The following LRBA variants were observed in gnomAD, a reference collection of about 807,000 sequenced individuals.
LRBA encodes the protein LPS responsive beige-like anchor protein, also known as lipopolysaccharide-responsive and beige-like anchor protein.
A neutral mutation model predicts 330.0 loss-of-function variants in LRBA; 176 were observed. That is an observed-to-expected ratio of 0.53 (90% CI 0.47 to 0.60). LRBA has a LOEUF of 0.60. Among genes scored for constraint, LRBA ranks in the 20% least tolerant of loss-of-function variants. LRBA has a pLI of 0.00. For synonymous variants in LRBA, 1,230 were observed against 1,193.0 expected, an observed-to-expected ratio of 1.03 and a Z score of -0.64; for missense variants, 3,259 against 3,444.8, an observed-to-expected ratio of 0.95 and a Z score of 1.35.
At chr4:150,947,719 G>A (rs1208456650) in intron 2 of LRBA, among the ~76,000 whole-genome samples, 1 of 152,018 alleles carries the variant, frequency 6.6e-6, no homozygotes, top group East Asian at 1.9e-4. Context: ...GTATGCAGGT[G>A]AGAAAGGAAG....
chr4:150,992,023 A>C (rs1318573617), intron 2 of LRBA, among the ~76,000 whole-genome samples: 1 of 152,234 alleles, frequency 6.6e-6, no homozygotes, highest in African/African-American at 2.4e-5. Context: ...GCTATGTCTT[A>C]AAAGTAACAA....
At chr4:150,587,640 T>C (rs1772281829) in intron 40 of LRBA, among the ~76,000 whole-genome samples, 1 of 152,170 alleles carries the variant, frequency 6.6e-6, no homozygotes. Context: ...TAGTAAGTCA[T>C]GGGGACAAAG....
intron 52 of LRBA, among the ~76,000 whole-genome samples, chr4:150,309,969 G>T (rs920828469): frequency 6.6e-6 from 1 of 152,076 alleles, no homozygotes; most frequent in Non-Finnish European, 1.5e-5. Flanking sequence ...CCTTCAAAAT[G>T]AATCATTTAT....
chr4:150,527,683 T>G (rs1379790487), intron 40 of LRBA, among the ~76,000 whole-genome samples: 1 of 152,246 alleles, frequency 6.6e-6, no homozygotes, highest in African/African-American at 2.4e-5. Flanking sequence ...AGCACTATCC[T>G]GCTCTTCTAA....
chr4:150,642,182 G>C (rs1404624794), intron 37 of LRBA, among the ~76,000 whole-genome samples: 1 of 151,892 alleles, frequency 6.6e-6, no homozygotes, highest in Non-Finnish European at 1.5e-5. Flanking sequence ...CAATTCAAAA[G>C]CACAAGAATA....
At chr4:150,916,057 C>A (rs760123869) in intron 7 of LRBA, among the ~76,000 whole-genome samples, 33 of 152,116 alleles carry the variant, frequency 2.2e-4, no homozygotes, top group Non-Finnish European at 3.8e-4. Flanking sequence ...TTTGCTTAAT[C>A]TATCTGACTA....
intron 34 of LRBA, among the ~76,000 whole-genome samples, chr4:150,789,966 T>C (rs1358714990): frequency 6.6e-6 from 1 of 152,198 alleles, no homozygotes; most frequent in Non-Finnish European, 1.5e-5. Flanking sequence ...CCTAACTCTC[T>C]TCTTAATCCC....
chr4:150,685,420 A>ATATATATATATATATACTT (rs1561514146), intron 36 of LRBA, among the ~76,000 whole-genome samples: 1 of 17,436 alleles, frequency 5.7e-5, no homozygotes, highest in African/African-American at 2.4e-4. Context: ...ATATATATAT[A>ATATATATATATATATACTT]TTTTTTTTTT....
In LRBA at chr4:150,859,235, T is replaced by C. The variant is rs150737357; in HGVS notation, c.2767-6292A>G. Among the ~76,000 whole-genome samples the C allele has an allele frequency of 7.5e-3, 1,142 of 152,312 alleles. 11 individuals carry two copies. The highest frequency in any genetic ancestry group is 0.025 in the African/African-American group (1,055 of 41,566). On this transcript the variant is annotated intron_variant, in intron 22 of 56. Coordinates refer to ENST00000651943, the MANE Select transcript of LRBA (RefSeq NM_001364905.1). Reference sequence around the variant, plus strand: ...TTTTAACTCTAACATGACTAATCTTTATTCATTTTAAGTCATAAACCCATT... The same window carrying C: ...TTTTAACTCTAACATGACTAATCTTCATTCATTTTAAGTCATAAACCCATT...
intron 34 of LRBA, among the ~76,000 whole-genome samples, chr4:150,788,239 ATTTTTTTTTTTTTTTTTT>A (rs377479266): frequency 8.1e-6 from 1 of 123,238 alleles, no homozygotes; most frequent in African/African-American, 3.9e-5. Context: ...CACCCGGTTA[ATTTTTTTTTTTTTTTTTT>A]TTTTTTTTTT....
At chr4:150,399,326 A>G (rs1745160717) in intron 47 of LRBA, among the ~76,000 whole-genome samples, 1 of 152,152 alleles carries the variant, frequency 6.6e-6, no homozygotes, top group Admixed American at 6.6e-5. Context: ...GGCAGAAACT[A>G]CTAATCAATA....
At chr4:150,678,468 G>A (rs1782767587) in intron 37 of LRBA, among the ~76,000 whole-genome samples, 1 of 151,982 alleles carries the variant, frequency 6.6e-6, no homozygotes, top group Non-Finnish European at 1.5e-5. Context: ...TGAGCATATA[G>A]GTGAGTCTCA....
intron 22 of LRBA, among the ~76,000 whole-genome samples, chr4:150,859,431 G>A (rs921187421): frequency 2.0e-5 from 3 of 151,948 alleles, no homozygotes; most frequent in African/African-American, 4.8e-5. Context: ...GTGAAAAAAA[G>A]TATTACTTAA....
At chr4:150,386,664 T>C (rs1743112924) in intron 47 of LRBA, among the ~76,000 whole-genome samples, 2 of 152,142 alleles carry the variant, frequency 1.3e-5, no homozygotes, top group Non-Finnish European at 2.9e-5. Context: ...ATCCAGTCTA[T>C]CAGTGATGGG....
chr4:150,481,125 TATA>T (rs1375162738), intron 42 of LRBA, among the ~76,000 whole-genome samples: 1 of 152,168 alleles, frequency 6.6e-6, no homozygotes, highest in Non-Finnish European at 1.5e-5. Flanking sequence ...TTTCACTTAA[TATA>T]ATGTCCTGCA....
chr4:150,355,058 A>G (rs1737658124), intron 47 of LRBA, among the ~76,000 whole-genome samples: 1 of 151,978 alleles, frequency 6.6e-6, no homozygotes, highest in Non-Finnish European at 1.5e-5. Flanking sequence ...TCTTTATAAA[A>G]AGTGTTATAT....
At chr4:150,446,550 A>G (rs1752641918) in intron 44 of LRBA, among the ~76,000 whole-genome samples, 2 of 152,206 alleles carry the variant, frequency 1.3e-5, no homozygotes, top group Non-Finnish European at 2.9e-5. Flanking sequence ...TCCTAGAAAA[A>G]GCCCAATCCT....
intron 38 of LRBA, 42 bp downstream of exon 38, chr4:150,598,965 C>G: frequency 6.2e-7 from 1 of 1,610,846 alleles, no homozygotes; most frequent in Non-Finnish European, 8.5e-7. Flanking sequence ...TTACCAAGTC[C>G]TGTACCTGCT....
intron 37 of LRBA, among the ~76,000 whole-genome samples, chr4:150,660,465 T>G (rs1174269154): frequency 6.6e-6 from 1 of 150,650 alleles, no homozygotes; most frequent in African/African-American, 2.4e-5. Context: ...AGCCGCCCCG[T>G]CCGGGAGGGA....
Sources: allele counts gnomAD v4.1 joint callset (sites outside exome capture counted in the v4.1 genomes callset), GRCh38; gene constraint gnomAD v4.1.1; transcripts MANE v1.5; gene names NCBI Gene and HGNC (gene_info 2026-07-23, HGNC 2026-07-21).